Variants in FHIT observed in about 807,000 individuals in gnomAD.
FHIT encodes the protein bis(5'-adenosyl)-triphosphatase.
FHIT carries 19 observed loss-of-function variants against 17.9 expected under a neutral mutation model. That is an observed-to-expected ratio of 1.06 (90% CI 0.74 to 1.56). FHIT has a LOEUF of 1.56. Among genes scored for constraint, FHIT ranks in the 40% most tolerant of loss-of-function variants. The pLI is 0.00. For missense variants in FHIT, 248 were observed against 189.2 expected (o/e 1.31, Z -1.82); for synonymous variants, 81 against 69.7 (o/e 1.16, Z -0.81).
intron 5 of FHIT, among the ~76,000 whole-genome samples, chr3:60,089,117 A>T (rs1210602438): frequency 6.6e-6 from 1 of 152,190 alleles, no homozygotes. Context: ...TTTGACAGCT[A>T]GCTGCATAAT....
At chr3:60,049,749 A>C (rs1255684392) in intron 5 of FHIT, among the ~76,000 whole-genome samples, 1 of 152,224 alleles carries the variant, frequency 6.6e-6, no homozygotes, top group African/African-American at 2.4e-5. Context: ...AAATCTTTAA[A>C]TTACACATGT....
intron 5 of FHIT, among the ~76,000 whole-genome samples, chr3:60,340,412 G>A (rs1710458215): frequency 6.6e-6 from 1 of 152,120 alleles, no homozygotes; most frequent in African/African-American, 2.4e-5. Flanking sequence ...GTTCTTGGGA[G>A]CCCATGGCAG....
intron 3 of FHIT, among the ~76,000 whole-genome samples, chr3:60,910,706 C>T (rs545730542): frequency 7.7e-4 from 117 of 152,256 alleles, no homozygotes; most frequent in Middle Eastern, 3.4e-3. Context: ...GCCACCATGC[C>T]CGGCCCAGGT....
At chr3:60,217,839 A>T (rs1375823406) in intron 5 of FHIT, among the ~76,000 whole-genome samples, 1 of 152,208 alleles carries the variant, frequency 6.6e-6, no homozygotes, top group East Asian at 1.9e-4. Flanking sequence ...TCAAGGAATT[A>T]CTCTGCAATC....
At chr3:60,194,103 T>C (rs1219695144) in intron 5 of FHIT, among the ~76,000 whole-genome samples, 1 of 152,138 alleles carries the variant, frequency 6.6e-6, no homozygotes, top group African/African-American at 2.4e-5. Flanking sequence ...AAAGTTCGCA[T>C]ATGGAACCAA....
At chr3:60,557,181 G>C (rs1384710832) in intron 4 of FHIT, among the ~76,000 whole-genome samples, 1 of 152,028 alleles carries the variant, frequency 6.6e-6, no homozygotes, top group East Asian at 1.9e-4. Context: ...TTTTACAAAA[G>C]AAAACACTAA....
At chr3:59,938,291 CCAGA>C (rs1706341992) in intron 7 of FHIT, among the ~76,000 whole-genome samples, 1 of 152,034 alleles carries the variant, frequency 6.6e-6, no homozygotes, top group Non-Finnish European at 1.5e-5. Flanking sequence ...GTGAAATAAA[CCAGA>C]CACAGAAAGA....
chr3:60,981,797 C>T (rs1285306013), intron 3 of FHIT, among the ~76,000 whole-genome samples: 1 of 148,928 alleles, frequency 6.7e-6, no homozygotes, highest in Non-Finnish European at 1.5e-5. Flanking sequence ...GAGATGGGGT[C>T]TTGCCATGTT....
At chr3:60,524,733 G>T (rs1336308068) in intron 5 of FHIT, among the ~76,000 whole-genome samples, 1 of 151,990 alleles carries the variant, frequency 6.6e-6, no homozygotes, top group Non-Finnish European at 1.5e-5. Flanking sequence ...CTGCCTTCAC[G>T]ATCATGTTGT....
chr3:60,004,576 G>T (rs575716323), intron 7 of FHIT, among the ~76,000 whole-genome samples: 1 of 152,236 alleles, frequency 6.6e-6, no homozygotes, highest in Non-Finnish European at 1.5e-5. Context: ...TATGTGGTAA[G>T]GGTGACAAAA....
At chr3:59,908,186 C>A (rs1043904734) in intron 8 of FHIT, among the ~76,000 whole-genome samples, 1 of 152,228 alleles carries the variant, frequency 6.6e-6, no homozygotes, top group Non-Finnish European at 1.5e-5. Flanking sequence ...TCACTGCAAG[C>A]CATCCCTTTG....
chr3:61,127,588 G>A lies in FHIT; in HGVS notation c.-164+73029C>T, dbSNP rs182473767. On this transcript the variant is annotated intron_variant, in intron 2 of 9. Coordinates refer to ENST00000492590, the MANE Select transcript of FHIT (RefSeq NM_002012.4). ...TTTCCTCTTAAGAGTAACTTGGCCA[G>A]GTGTGATGGCTCACACCTGTAATCC... is the stretch of plus-strand genomic sequence containing the variant. 4.8e-4 allele frequency among the ~76,000 whole-genome samples: 73 copies of A among 152,288 alleles called. No individual in the cohort carries two copies. In the East Asian group the frequency reaches 0.013, roughly 28 times the overall value.
intron 2 of FHIT, among the ~76,000 whole-genome samples, chr3:61,102,431 TG>T (rs2035861350): frequency 6.6e-6 from 1 of 152,204 alleles, no homozygotes; most frequent in Non-Finnish European, 1.5e-5. Context: ...ATAGGCTTTT[TG>T]ATGTGTTGAT....
At chr3:61,195,388 G>A (rs1317791112) in intron 2 of FHIT, among the ~76,000 whole-genome samples, 4 of 152,152 alleles carry the variant, frequency 2.6e-5, no homozygotes, top group African/African-American at 9.7e-5. Context: ...AGGATTTCTA[G>A]TCAATTACTG....
At chr3:60,584,823 A>C (rs782140166) in intron 4 of FHIT, among the ~76,000 whole-genome samples, 1 of 151,974 alleles carries the variant, frequency 6.6e-6, no homozygotes, top group Non-Finnish European at 1.5e-5. Context: ...AGATCCTTAC[A>C]ATGTAATATC....
chr3:60,257,901 A>T (rs1468195547), intron 5 of FHIT, among the ~76,000 whole-genome samples: 1 of 152,072 alleles, frequency 6.6e-6, no homozygotes, highest in African/African-American at 2.4e-5. Context: ...CGGAGGGTCA[A>T]CGGGGAGGAG....
intron 3 of FHIT, among the ~76,000 whole-genome samples, chr3:60,958,909 T>C (rs797040552): frequency 6.6e-6 from 1 of 152,202 alleles, no homozygotes; most frequent in Non-Finnish European, 1.5e-5. Flanking sequence ...AATGGAATTA[T>C]AATCAATGTA....
chr3:61,249,199 A>G (rs1035232731), intron 1 of FHIT, among the ~76,000 whole-genome samples: 3 of 152,210 alleles, frequency 2.0e-5, no homozygotes, highest in Admixed American at 6.5e-5. Context: ...GAATGAAAAT[A>G]ACCCTGGACT....
At chr3:60,204,404 G>A (rs1351299072) in intron 5 of FHIT, among the ~76,000 whole-genome samples, 1 of 151,828 alleles carries the variant, frequency 6.6e-6, no homozygotes, top group Non-Finnish European at 1.5e-5. Flanking sequence ...TGAGTAGCTG[G>A]GATTACAAGC....
Sources: allele counts gnomAD v4.1 joint callset (sites outside exome capture counted in the v4.1 genomes callset), GRCh38; gene constraint gnomAD v4.1.1; transcripts MANE v1.5; gene names NCBI Gene and HGNC (gene_info 2026-07-23, HGNC 2026-07-21).